CAMTA1: variants seen among roughly 807,000 people sequenced by gnomAD.
The protein encoded by CAMTA1 is calmodulin-binding transcription activator 1.
Under a neutral mutation model 170.9 loss-of-function variants are expected in CAMTA1, and 27 were observed. The ratio of observed to expected loss-of-function variants is 0.16; its 90% confidence interval spans 0.12 to 0.22. The LOEUF (loss-of-function observed/expected upper bound fraction) is 0.22, where lower values mean the gene tolerates loss of function less well. CAMTA1 is among the 10% of genes least tolerant of loss of function. The pLI is 1.00. For missense variants in CAMTA1, 1,619 were observed against 2,217.2 expected (o/e 0.73, Z 5.42); for synonymous variants, 833 against 891.5 (o/e 0.93, Z 1.17).
chr1:7,123,294 C>G (rs1644751680), intron 4 of CAMTA1, among the ~76,000 whole-genome samples: 1 of 152,156 alleles, frequency 6.6e-6, no homozygotes, highest in African/African-American at 2.4e-5. Context: ...CTCGTGTCTT[C>G]ATGTCATCTT....
chr1:7,517,172 C>T (rs770241453), intron 6 of CAMTA1, among the ~76,000 whole-genome samples: 5 of 152,298 alleles, frequency 3.3e-5, no homozygotes, highest in Middle Eastern at 3.4e-3. Flanking sequence ...TCCAAATACT[C>T]CATCACTTAT....
rs144139283 is a variant in CAMTA1 at position 6,807,693 on chromosome 1, C to T, written c.46-12488C>T. ...TGAGATCGTGCCACTGCACTTCAGCCTGGAGGACAGAGCAAGACTTCATCT... is the reference window on the plus strand; with the variant it reads ...TGAGATCGTGCCACTGCACTTCAGCTTGGAGGACAGAGCAAGACTTCATCT... On this transcript the variant is annotated intron_variant, in intron 1 of 22. Coordinates refer to ENST00000303635, the MANE Select transcript of CAMTA1 (RefSeq NM_015215.4). 3.8e-3 allele frequency among the ~76,000 whole-genome samples: 569 copies of T among 148,178 alleles called. 4 individuals are homozygous for T. Among genetic ancestry groups the T allele is most frequent in the African/African-American group, 0.013 (529 of 39,966 alleles).
intron 3 of CAMTA1, among the ~76,000 whole-genome samples, chr1:6,953,639 G>A (rs767067871): frequency 3.0e-4 from 46 of 152,188 alleles, no homozygotes; most frequent in Non-Finnish European, 5.4e-4. Flanking sequence ...ACCTCCTTAT[G>A]CCCAGAGTTG....
chr1:7,297,700 T>G (rs2149532586), intron 5 of CAMTA1, among the ~76,000 whole-genome samples: 1 of 152,370 alleles, frequency 6.6e-6, no homozygotes, highest in Admixed American at 6.5e-5. Flanking sequence ...CTCTTGATTT[T>G]TGCCTTCTCC....
intron 3 of CAMTA1, among the ~76,000 whole-genome samples, chr1:6,928,675 CCAG>C (rs1464326333): frequency 3.3e-5 from 5 of 152,196 alleles, no homozygotes; most frequent in Non-Finnish European, 7.3e-5. Context: ...CATTCTCACC[CCAG>C]GACCTTTGCA....
intron 5 of CAMTA1, among the ~76,000 whole-genome samples, chr1:7,466,661 G>A (rs2093218233): frequency 6.6e-6 from 1 of 152,202 alleles, no homozygotes; most frequent in South Asian, 2.1e-4. Flanking sequence ...CCACCTGGCA[G>A]ATGTCCTGTG....
Position 6,971,379 on chromosome 1 carries a change from G to C in CAMTA1, c.235-119925G>C, listed in dbSNP as rs544196537. ...GATCGGATTGTATCCGTGTCATTCT[G>C]CTGCCACTTTAATGAGGACTGAGAA... On this transcript the variant is annotated intron_variant, in intron 3 of 22. Coordinates refer to ENST00000303635, the MANE Select transcript of CAMTA1 (RefSeq NM_015215.4). The surrounding 1 kb of genome is among the most constrained non-coding windows in gnomAD (Gnocchi z 4.6). Among the ~76,000 whole-genome samples, 16 of 152,296 alleles carry C rather than the reference G, an allele frequency of 1.1e-4. 1 individual carries two copies. Among genetic ancestry groups the C allele is most frequent in the African/African-American group, 3.4e-4 (14 of 41,542 alleles).
intron 11 of CAMTA1, among the ~76,000 whole-genome samples, chr1:7,715,389 C>T (rs958798490): frequency 6.6e-6 from 1 of 152,042 alleles, no homozygotes; most frequent in Admixed American, 6.6e-5. Flanking sequence ...ATTGCATAGC[C>T]CCTGAAACTG....
intron 5 of CAMTA1, among the ~76,000 whole-genome samples, chr1:7,310,706 CTTTCTTTCTTTCTTTCTTTCTT>C (rs1676548298): frequency 1.7e-5 from 1 of 57,606 alleles, no homozygotes; most frequent in Non-Finnish European, 3.0e-5. Flanking sequence ...CTCTCTCTTT[CTTTCTTTCTTTCTTTCTTTCTT>C]TCTTTCTTTC....
At chr1:7,163,222 G>A (rs1211797419) in intron 4 of CAMTA1, among the ~76,000 whole-genome samples, 1 of 151,122 alleles carries the variant, frequency 6.6e-6, no homozygotes, top group African/African-American at 2.4e-5. Flanking sequence ...GCTGGTCCGA[G>A]AAGAGGTTTG....
At chr1:7,089,573 CCCATCCCATCCCAT>C (rs962647856) in intron 3 of CAMTA1, among the ~76,000 whole-genome samples, 3 of 140,012 alleles carry the variant, frequency 2.1e-5, no homozygotes, top group Non-Finnish European at 3.1e-5. Flanking sequence ...CCCATCCCAT[CCCATCCCATCCCAT>C]CCATCCGGCC....
chr1:6,927,951 C>G (rs1046648763), intron 3 of CAMTA1, among the ~76,000 whole-genome samples: 1 of 152,164 alleles, frequency 6.6e-6, no homozygotes, highest in Non-Finnish European at 1.5e-5. Flanking sequence ...GCAGGAGAGA[C>G]GACAAGGATC....
At chr1:7,164,518 C>T (rs535562675) in intron 4 of CAMTA1, among the ~76,000 whole-genome samples, 1 of 152,244 alleles carries the variant, frequency 6.6e-6, no homozygotes, top group South Asian at 2.1e-4. Flanking sequence ...AAAGCTGTGG[C>T]ACCCCTGCAA....
intron 4 of CAMTA1, among the ~76,000 whole-genome samples, chr1:7,114,654 A>C (rs549850116): frequency 1.3e-5 from 2 of 152,380 alleles, no homozygotes; most frequent in Non-Finnish European, 2.9e-5. Context: ...ATCTGCAGTC[A>C]GCAAGGTGGA....
At position 7,542,083 on chromosome 1, in the gene CAMTA1, G is replaced by A. The variant is rs114597676; in HGVS notation, c.510+74182G>A. 4.9e-3 allele frequency among the ~76,000 whole-genome samples: 750 copies of A among 151,982 alleles called. 5 individuals are homozygous for A. The highest frequency in any genetic ancestry group is 7.9e-3 in the Non-Finnish European group (536 of 67,960). ...AATTTTTAATTACAAAGGCAAACAG[G>A]CTCATTATAACAAATGAATACAATT... On this transcript the variant is annotated intron_variant, in intron 6 of 22. Coordinates refer to ENST00000303635, the MANE Select transcript of CAMTA1 (RefSeq NM_015215.4).
intron 11 of CAMTA1, among the ~76,000 whole-genome samples, chr1:7,700,272 T>C (rs1396257248): frequency 6.6e-6 from 1 of 152,232 alleles, no homozygotes; most frequent in Non-Finnish European, 1.5e-5. Flanking sequence ...GCCCCATTTG[T>C]TGAAGACGAT....
chr1:7,571,550 G>A lies in CAMTA1; in HGVS notation c.511-68850G>A, dbSNP rs1487644573. 2.6e-5 allele frequency among the ~76,000 whole-genome samples: 4 copies of A among 152,070 alleles called. No homozygotes were observed. The South Asian group carries it at 6.2e-4, about 24-fold the overall frequency. The stretch of plus-strand genomic sequence containing the variant: ...CCCCTCTTTGTGCCCATGTGTTCTT[G>A]TTATTTTAGCTCCCAATTATAAGTG... On this transcript the variant is annotated intron_variant, in intron 6 of 22. Coordinates refer to ENST00000303635, the MANE Select transcript of CAMTA1 (RefSeq NM_015215.4).
rs377334407 is a variant in CAMTA1, at chr1:7,661,856, C to T, written c.795C>T (p.Thr265=). The T allele has an allele frequency of 1.4e-4, 218 of 1,611,330 alleles. No homozygotes were observed. Among genetic ancestry groups the T allele is most frequent in the Non-Finnish European group, 1.7e-4 (196 of 1,179,004 alleles). The change falls in exon 8 of 23, where the codon ACC becomes ACT. Residue 265 remains threonine (T), a synonymous_variant. Coordinates refer to ENST00000303635, the MANE Select transcript of CAMTA1 (RefSeq NM_015215.4). ...CGCGGACCCACAACTGCCTCTGCAC[C>T]GGCAGCCTGGGTGAGCCGGGGCTCC... ...PQPRTHNCLC[T]GSLGAGGSVH...
chr1:6,986,247 A>C (rs1017438349), intron 3 of CAMTA1, among the ~76,000 whole-genome samples: 2 of 152,176 alleles, frequency 1.3e-5, no homozygotes, highest in South Asian at 4.1e-4. Context: ...TGAGTTGCTA[A>C]GTGGGGCGAG....
Sources: gnomAD v4.1 joint callset for allele counts (sites outside exome capture counted in the v4.1 genomes callset) on GRCh38, gnomAD v4.1.1 for gene constraint, Gnocchi (gnomAD v3.1) non-coding constraint, MANE v1.5 for transcripts, NCBI Gene and HGNC (gene_info 2026-07-23, HGNC 2026-07-21) for gene names.